The following SMYD2 variants were observed in gnomAD, a reference collection of about 807,000 sequenced individuals.
SMYD2 encodes SET and MYND domain containing 2, also known as N-lysine methyltransferase SMYD2.
SMYD2 carries 53 observed loss-of-function variants against 59.1 expected under a neutral mutation model. That is an observed-to-expected ratio of 0.90 (90% confidence interval 0.72 to 1.13). SMYD2 has a LOEUF of 1.13. Ranked by LOEUF, SMYD2 falls within the 50% of genes most tolerant of loss-of-function variation. SMYD2 has a pLI of 0.00. For missense variants in SMYD2, 494 were observed against 544.7 expected (o/e 0.91, Z 0.93); for synonymous variants, 208 against 198.8 (o/e 1.05, Z -0.39).
chr1:214,313,365 T>C (rs576963407), intron 2 of SMYD2, among the ~76,000 whole-genome samples: 2 of 152,092 alleles, frequency 1.3e-5, no homozygotes, highest in East Asian at 3.9e-4. Flanking sequence ...GATCCGCCCA[T>C]GTCAGCCTCC....
chr1:214,292,678 C>A (rs1407344781), intron 1 of SMYD2, among the ~76,000 whole-genome samples: 2 of 152,136 alleles, frequency 1.3e-5, no homozygotes, highest in Non-Finnish European at 2.9e-5. Context: ...GGAAATGAAT[C>A]CTTGTAAATA....
intron 8 of SMYD2, among the ~76,000 whole-genome samples, chr1:214,330,542 C>CAAAGGAGGAGGGGGGAA (rs1657335980): frequency 3.9e-5 from 6 of 152,152 alleles, no homozygotes; most frequent in Non-Finnish European, 8.8e-5. Context: ...AACAACTGCT[C>CAAAGGAGGAGGGGGGAA]AAAGGAGGAG....
At chr1:214,336,008 T>C (rs1417729017) in intron 11 of SMYD2, among the ~76,000 whole-genome samples, 3 of 152,196 alleles carry the variant, frequency 2.0e-5, no homozygotes, top group African/African-American at 4.8e-5. Context: ...ATAGCTTTGA[T>C]ATAAAATTCA....
intron 7 of SMYD2, 65 bp downstream of exon 7, chr1:214,327,789 G>A: frequency 1.5e-6 from 2 of 1,355,204 alleles, no homozygotes; most frequent in East Asian, 4.6e-5. Flanking sequence ...AGGCAATGTG[G>A]ACAGATCTGT....
intron 7 of SMYD2, 64 bp downstream of exon 7, chr1:214,327,788 G>A: frequency 7.4e-7 from 1 of 1,356,068 alleles, no homozygotes; most frequent in Admixed American, 1.7e-5. Flanking sequence ...AAGGCAATGT[G>A]GACAGATCTG....
chr1:214,310,485 T>C (rs1204458116), intron 2 of SMYD2, among the ~76,000 whole-genome samples: 2 of 150,888 alleles, frequency 1.3e-5, no homozygotes, highest in African/African-American at 4.9e-5. Context: ...CTTCTGTGCT[T>C]ATATGTGTAT....
chr1:214,321,479 C>T (rs1657171533), intron 5 of SMYD2, among the ~76,000 whole-genome samples: 1 of 152,164 alleles, frequency 6.6e-6, no homozygotes, highest in South Asian at 2.1e-4. Context: ...AGCAGAAATG[C>T]AAAGTGCTGC....
chr1:214,332,166 T>C lies in SMYD2; in HGVS notation c.1086T>C (p.Tyr362=), dbSNP rs1052794443. The C allele has an allele frequency of 3.1e-6, 5 of 1,614,024 alleles. No homozygotes were observed. Among genetic ancestry groups the C allele is most frequent in the Admixed American group, 1.7e-5 (1 of 59,994 alleles). ...YMQDWEGALQ[Y]GQKIIKPYSK... ...AGGACTGGGAAGGAGCCCTGCAATA[T>C]GGACAGAAAATCATTAAGCCCTACA... Residue 362 remains tyrosine, a synonymous_variant, in exon 10 of 12, where the codon TAT becomes TAC. Coordinates refer to ENST00000366957, the MANE Select transcript of SMYD2 (RefSeq NM_020197.3).
intron 2 of SMYD2, among the ~76,000 whole-genome samples, chr1:214,314,271 A>AT (rs1350767584): frequency 6.6e-6 from 1 of 152,174 alleles, no homozygotes; most frequent in Non-Finnish European, 1.5e-5. Flanking sequence ...GTTGCCCTTC[A>AT]TGAAACCCTC....
intron 9 of SMYD2, chr1:214,331,635 T>C (rs1657354859): frequency 1.1e-5 from 2 of 188,256 alleles, no homozygotes; most frequent in African/African-American, 4.7e-5. Context: ...TTAAAACCAG[T>C]GAGAGGAAAT....
At chr1:214,316,347 G>T (rs1014540950) in intron 3 of SMYD2, among the ~76,000 whole-genome samples, 1 of 152,000 alleles carries the variant, frequency 6.6e-6, no homozygotes, top group Non-Finnish European at 1.5e-5. Context: ...CAGGTGTGGT[G>T]GTATACACCT....
chr1:214,305,111 T>A (rs2102463242), intron 1 of SMYD2, 76 bp from the exon 2 acceptor site: 2 of 1,408,120 alleles, frequency 1.4e-6, no homozygotes, highest in Non-Finnish European at 1.0e-6. Context: ...CAAGTGGCTT[T>A]TGTTGTTGCA....
chr1:214,319,282 T>G (rs1657134103), intron 5 of SMYD2, among the ~76,000 whole-genome samples: 2 of 152,188 alleles, frequency 1.3e-5, no homozygotes, highest in African/African-American at 4.8e-5. Context: ...TCTGGCATAC[T>G]TTAAGCTCTT....
intron 5 of SMYD2, among the ~76,000 whole-genome samples, chr1:214,320,466 ACATAAAGAAAGTGGCCAGG>A (rs1455295604): frequency 6.6e-6 from 1 of 152,202 alleles, no homozygotes; most frequent in Non-Finnish European, 1.5e-5. Flanking sequence ...AAAATTACAC[ACATAAAGAAAGTGGCCAGG>A]CACCATGGCG....
At chr1:214,301,935 G>C (rs556066425) in intron 1 of SMYD2, among the ~76,000 whole-genome samples, 1 of 152,106 alleles carries the variant, frequency 6.6e-6, no homozygotes, top group Non-Finnish European at 1.5e-5. Context: ...CAATGCCAAA[G>C]ACATATATAC....
At chr1:214,287,235 G>A (rs1454457935) in intron 1 of SMYD2, among the ~76,000 whole-genome samples, 1 of 152,086 alleles carries the variant, frequency 6.6e-6, no homozygotes, top group Non-Finnish European at 1.5e-5. Flanking sequence ...GAGTTGTGGG[G>A]AGGGGTGAAC....
chr1:214,334,425 C>G (rs2102481326), intron 11 of SMYD2, 117 bp downstream of exon 11: 1 of 926,088 alleles, frequency 1.1e-6, no homozygotes, highest in Admixed American at 2.0e-5. Context: ...AGCTCTCACC[C>G]ACCCTCTTGC....
intron 3 of SMYD2, among the ~76,000 whole-genome samples, chr1:214,316,454 C>T (rs2102469859): frequency 6.6e-6 from 1 of 151,956 alleles, no homozygotes; most frequent in African/African-American, 2.4e-5. Context: ...ATACTCCATC[C>T]AGCCTGAGCA....
chr1:214,297,889 A>G (rs1656759817), intron 1 of SMYD2, among the ~76,000 whole-genome samples: 1 of 152,092 alleles, frequency 6.6e-6, no homozygotes, highest in Admixed American at 6.5e-5. Context: ...CACACTGCTG[A>G]AAGAAATTAG....
Sources: allele counts gnomAD v4.1 joint callset (sites outside exome capture counted in the v4.1 genomes callset), GRCh38; gene constraint gnomAD v4.1.1; transcripts MANE v1.5; gene names NCBI Gene and HGNC (gene_info 2026-07-23, HGNC 2026-07-21).